RELN: variants seen among roughly 807,000 people sequenced by gnomAD.
RELN encodes the protein reelin.
A neutral mutation model predicts 427.6 loss-of-function variants in RELN; 108 were observed. The observed-to-expected ratio is 0.25, with a 90% CI of 0.22 to 0.30. The LOEUF is 0.30. RELN is among the 10% of genes least tolerant of loss of function. The probability of loss-of-function intolerance (pLI) is 1.00; values close to 1 mark genes in which losing one functional copy is unlikely to be tolerated. For synonymous variants in RELN, 1,524 were observed against 1,513.4 expected, an observed-to-expected ratio of 1.01 and a Z score of -0.16; for missense variants, 3,715 against 4,302.8, an observed-to-expected ratio of 0.86 and a Z score of 3.82.
At position 103,752,311 on chromosome 7, in the gene RELN, A is replaced by G. The variant is rs112746846; in HGVS notation, c.577+871T>C. The stretch of plus-strand genomic sequence containing the variant: ...CCCAGAATCTGTGATCCTAACCACT[A>G]TATACCCTGCCTCAAGAACTGTGGG... On this transcript the variant is annotated intron_variant, in intron 5 of 64. Transcript: ENST00000428762. Among the ~76,000 whole-genome samples, 322 of 152,308 alleles carry G rather than the reference A, an allele frequency of 2.1e-3. 1 individual carries two copies. The highest frequency in any genetic ancestry group is 7.5e-3 in the African/African-American group (313 of 41,558).
chr7:103,505,125 G>T (rs1318097762), intron 51 of RELN, among the ~76,000 whole-genome samples: 1 of 152,232 alleles, frequency 6.6e-6, no homozygotes, highest in Non-Finnish European at 1.5e-5. Flanking sequence ...GGGGGAAGGG[G>T]TGCTGTGGGC....
rs1278982893 is a variant in RELN at position 103,978,686 on chromosome 7, T to C, written c.226+10445A>G. 3.9e-5 allele frequency among the ~76,000 whole-genome samples: 6 copies of C among 152,360 alleles called. 1 individual carries two copies. The South Asian group carries it at 1.2e-3, about 32-fold the overall frequency. On this transcript the variant is annotated intron_variant, in intron 1 of 64. Transcript: ENST00000428762. ...TGCATTTCATTTCAATGAATACAGA[T>C]AGCTATCCCCTGGGTACTCATTAGT...
At chr7:103,645,377 CA>C (rs985602324) in intron 16 of RELN, among the ~76,000 whole-genome samples, 11 of 151,530 alleles carry the variant, frequency 7.3e-5, no homozygotes, top group African/African-American at 2.4e-4. Context: ...ATACTGCTTA[CA>C]AAAAATCCCA....
At position 103,930,388 on chromosome 7, in the gene RELN, G is replaced by A. The variant is rs929329984; in HGVS notation, c.227-13203C>T. Among the ~76,000 whole-genome samples, 11 of 139,016 alleles carry A rather than the reference G, an allele frequency of 7.9e-5. No individual in the cohort carries two copies. The South Asian group carries it at 1.0e-3, about 13-fold the overall frequency. 91.2% of individuals were successfully genotyped at this position (139,016 alleles called of 152,430 possible). ...TATAATCATATTATGAGTTACCAGG[G>A]ATTAGGACTTCAATATATGAATGGC... On this transcript the variant is annotated intron_variant, in intron 1 of 64. Coordinates refer to ENST00000428762, the MANE Select transcript of RELN (RefSeq NM_005045.4).
At chr7:103,496,923 A>G (rs1422025243) in intron 55 of RELN, among the ~76,000 whole-genome samples, 155 bp from the exon 56 acceptor site, 1 of 152,226 alleles carries the variant, frequency 6.6e-6, no homozygotes, top group African/African-American at 2.4e-5. Flanking sequence ...GGTATTCACT[A>G]CTTATACTGT....
At chr7:103,895,139 T>C (rs1159659028) in intron 2 of RELN, among the ~76,000 whole-genome samples, 1 of 152,162 alleles carries the variant, frequency 6.6e-6, no homozygotes, top group East Asian at 1.9e-4. Flanking sequence ...TTGGTAATTA[T>C]GCACTGGCAA....
intron 6 of RELN, among the ~76,000 whole-genome samples, chr7:103,738,632 G>C (rs1584450638): frequency 1.3e-5 from 2 of 148,306 alleles, no homozygotes; most frequent in African/African-American, 5.0e-5. Context: ...CATACAACTG[G>C]AATGAACTCT....
chr7:103,759,879 G>C (rs541812298), intron 4 of RELN, among the ~76,000 whole-genome samples: 10 of 151,838 alleles, frequency 6.6e-5, no homozygotes, highest in African/African-American at 2.2e-4. Flanking sequence ...CACCAGCTGA[G>C]CTTTGCAGGC....
intron 3 of RELN, among the ~76,000 whole-genome samples, chr7:103,777,546 A>G (rs944124279): frequency 1.3e-5 from 2 of 152,166 alleles, no homozygotes; most frequent in Non-Finnish European, 2.9e-5. Context: ...ATTATGTACA[A>G]GGCACTGTAC....
chr7:103,989,321 G>T lies in RELN; in HGVS notation c.36C>A (p.Leu12=). ...ERSGWARQTF[L]LALLLGATLR... Reference sequence around the variant, plus strand: ...GCGTCGCCCCCAGCAACAGCGCTAGGAGGAAAGTCTGCCGGGCCCAGCCAC... The same window carrying T: ...GCGTCGCCCCCAGCAACAGCGCTAGTAGGAAAGTCTGCCGGGCCCAGCCAC... Residue 12 remains leucine (L), a synonymous_variant, in exon 1 of 65, where the codon CTC becomes CTA. Coordinates refer to ENST00000428762, the MANE Select transcript of RELN (RefSeq NM_005045.4). This position sits in a 1 kb window ranked among gnomAD's most constrained non-coding sequence, Gnocchi z 4.9. 1 of 1,588,292 alleles carries T rather than the reference G, an allele frequency of 6.3e-7. No homozygotes were observed. Among genetic ancestry groups the T allele is most frequent in the South Asian group, 1.1e-5 (1 of 89,634 alleles).
intron 63 of RELN, among the ~76,000 whole-genome samples, chr7:103,481,630 C>T (rs563501246): frequency 9.2e-5 from 14 of 152,132 alleles, no homozygotes; most frequent in Non-Finnish European, 1.9e-4. Context: ...ATGATTTTGA[C>T]GTTCAAACAG....
intron 16 of RELN, among the ~76,000 whole-genome samples, chr7:103,647,071 G>A (rs1832812582): frequency 6.6e-6 from 1 of 150,666 alleles, no homozygotes; most frequent in Non-Finnish European, 1.5e-5. Flanking sequence ...AAATAATAAA[G>A]GCCGTATATG....
intron 2 of RELN, among the ~76,000 whole-genome samples, chr7:103,871,474 C>T (rs2116526640): frequency 6.6e-6 from 1 of 152,144 alleles, no homozygotes; most frequent in Non-Finnish European, 1.5e-5. Context: ...ATGTATTTCC[C>T]AAGCAAGAGA....
intron 2 of RELN, among the ~76,000 whole-genome samples, chr7:103,835,954 C>CTTTTTTTTTTTT (rs10569884): frequency 2.8e-5 from 4 of 142,434 alleles, no homozygotes; most frequent in African/African-American, 7.8e-5. Flanking sequence ...CTCAATTACC[C>CTTTTTTTTTTTT]TTTTTTTTTT....
rs756850823 is a variant in RELN at position 103,833,605 on chromosome 7, G to A, written c.405C>T (p.His135=). Residue 135 remains histidine (H), a synonymous_variant, in exon 3 of 65, where the codon CAC becomes CAT. Transcript: ENST00000428762. The part of the protein sequence containing the change: ...MCSVVASHVS[H]LPTTNLSFIW... ...TGAAACTGAGGTTGGTTGTGGGCAG[G>A]TGACTCACGTGAGAGGCTACCACAC... The A allele has an allele frequency of 4.3e-6, 7 of 1,613,610 alleles. No individual in the cohort carries two copies. The highest frequency in any genetic ancestry group is 1.6e-4 in the Middle Eastern group (1 of 6,082).
rs1323903713 is a variant in RELN, at chr7:103,746,873, A to G, written c.656+2553T>C. On this transcript the variant is annotated intron_variant, in intron 6 of 64. Coordinates refer to ENST00000428762, the MANE Select transcript of RELN (RefSeq NM_005045.4). The stretch of plus-strand genomic sequence containing the variant: ...CAGTGTGGCGATTCCTCAGGGATCT[A>G]GAACTAGAAATACCATTTGACCCAG... 2.6e-5 allele frequency among the ~76,000 whole-genome samples: 4 copies of G among 152,144 alleles called. No homozygotes were observed. The East Asian group carries it at 5.8e-4, about 22-fold the overall frequency.
chr7:103,737,304 C>T (rs546724461), intron 6 of RELN, among the ~76,000 whole-genome samples: 3 of 152,258 alleles, frequency 2.0e-5, no homozygotes, highest in African/African-American at 2.4e-5. Context: ...TGCCCATGGG[C>T]GTGTTGGACA....
chr7:103,686,317 G>T (rs1833763633), intron 10 of RELN, among the ~76,000 whole-genome samples: 1 of 152,118 alleles, frequency 6.6e-6, no homozygotes, highest in African/African-American at 2.4e-5. Flanking sequence ...AGCCAAGCTG[G>T]CTGGTGGCAG....
intron 20 of RELN, among the ~76,000 whole-genome samples, chr7:103,619,303 G>C (rs902517756): frequency 2.0e-5 from 3 of 152,138 alleles, no homozygotes; most frequent in Non-Finnish European, 4.4e-5. Context: ...AATGAATGCT[G>C]TCTCTTCTTC....
Sources: gnomAD v4.1 joint callset for allele counts (sites outside exome capture counted in the v4.1 genomes callset) on GRCh38, gnomAD v4.1.1 for gene constraint, Gnocchi (gnomAD v3.1) non-coding constraint, MANE v1.5 for transcripts, NCBI Gene and HGNC (gene_info 2026-07-23, HGNC 2026-07-21) for gene names.